Variants in OTC observed in about 807,000 individuals in gnomAD.
OTC encodes the protein ornithine transcarbamylase, also known as ornithine transcarbamylase, mitochondrial.
In OTC, 3 loss-of-function variants were observed where a neutral mutation model predicts 30.3. That is an observed-to-expected ratio of 0.10 (90% confidence interval 0.05 to 0.26). The LOEUF (loss-of-function observed/expected upper bound fraction) is 0.26, where lower values mean the gene tolerates loss of function less well. Ranked by LOEUF, OTC falls within the 10% of genes least tolerant of loss-of-function variation. The pLI is 1.00. For synonymous variants in OTC, 111 were observed against 99.7 expected, an observed-to-expected ratio of 1.11 and a Z score of -0.67; for missense variants, 194 against 260.3, an observed-to-expected ratio of 0.75 and a Z score of 1.75.
chrX:38,378,219 A>C (rs934782224), intron 3 of OTC, among the ~76,000 whole-genome samples: 3 of 96,707 alleles, frequency 3.1e-5, no homozygotes, highest in African/African-American at 1.2e-4. Context: ...TATGTTTTCT[A>C]TGGTTCACCT....
In OTC at chrX:38,357,205, A is replaced by C. The variant is rs559705530; in HGVS notation, c.77+4432A>C. On this transcript the variant is annotated intron_variant, in intron 1 of 9. Transcript: ENST00000039007. Reference sequence around the variant, plus strand: ...TTCCCAAGGCCATTGTTTATTCTTAAATCTGGGCTGAACTAGGACTACAAT... The same window carrying C: ...TTCCCAAGGCCATTGTTTATTCTTACATCTGGGCTGAACTAGGACTACAAT... Among the ~76,000 whole-genome samples the C allele has an allele frequency of 2.7e-5, 3 of 112,167 alleles. No homozygotes were observed. In the South Asian group the frequency reaches 1.1e-3, roughly 41 times the overall value.
At chrX:38,419,281 C>T (rs1244069082) in intron 9 of OTC, among the ~76,000 whole-genome samples, 3 of 111,803 alleles carry the variant, frequency 2.7e-5, no homozygotes. Flanking sequence ...ATGCTGCCAG[C>T]TTTCTTCCTT....
At chrX:38,397,707 T>A (rs2068464417) in intron 4 of OTC, among the ~76,000 whole-genome samples, 1 of 111,864 alleles carries the variant, frequency 8.9e-6, no homozygotes, top group Non-Finnish European at 1.9e-5. Context: ...AGTTTCTTCC[T>A]CTACATTGAT....
intron 4 of OTC, among the ~76,000 whole-genome samples, chrX:38,399,793 A>T (rs1440105801): frequency 1.8e-5 from 2 of 111,372 alleles, no homozygotes; most frequent in Non-Finnish European, 1.9e-5. Flanking sequence ...TGTGCAGCAA[A>T]ATTTGAAAAC....
chrX:38,416,482 ACC>A (rs1176455701), intron 9 of OTC, among the ~76,000 whole-genome samples: 1 of 111,702 alleles, frequency 9.0e-6, no homozygotes, highest in African/African-American at 3.3e-5. Flanking sequence ...ACCTAAAGGG[ACC>A]CTGAAAAAAA....
At chrX:38,379,924 G>A (rs186119441) in intron 3 of OTC, among the ~76,000 whole-genome samples, 2,497 of 112,067 alleles carry the variant, frequency 0.022, 78 homozygotes, top group African/African-American at 0.077. Context: ...AAACAGAAAA[G>A]TAAAAAGATT....
intron 1 of OTC, among the ~76,000 whole-genome samples, chrX:38,359,292 T>G (rs1311061294): frequency 2.7e-5 from 3 of 111,664 alleles, no homozygotes; most frequent in African/African-American, 9.8e-5. Context: ...ACCAGAGTGG[T>G]GGGGTTCTAG....
intron 1 of OTC, among the ~76,000 whole-genome samples, chrX:38,364,483 C>T (rs1162204658): frequency 1.8e-5 from 2 of 111,962 alleles, no homozygotes; most frequent in African/African-American, 6.5e-5. Flanking sequence ...AATATGTCAT[C>T]AATGTCTTAG....
At chrX:38,340,132 G>T in the OTC span, among the ~76,000 whole-genome samples, 4 of 111,867 alleles carry the variant, frequency 3.6e-5, no homozygotes, top group African/African-American at 1.3e-4. Context: ...TTTCAAAATT[G>T]TGAAACACTA....
chrX:38,408,802 T>C lies in OTC; in HGVS notation c.717+7T>C. The stretch of plus-strand genomic sequence containing the variant: ...AGAGCAGTATGCCAAAGAGGTATGC[T>C]CTTTACATGTAAAGCTATTATTGCC... On this transcript the variant is annotated splice_region_variant and intron_variant, in intron 7 of 9. Coordinates refer to ENST00000039007, the MANE Select transcript of OTC (RefSeq NM_000531.6). 8.3e-7 allele frequency: 1 copy of C among 1,205,717 alleles called. No individual in the cohort carries two copies. Among genetic ancestry groups the C allele is most frequent in the African/African-American group, 1.7e-5 (1 of 57,754 alleles).
chrX:38,379,680 G>GGTGGA (rs1183836774), intron 3 of OTC, among the ~76,000 whole-genome samples: 3 of 110,146 alleles, frequency 2.7e-5, no homozygotes, highest in African/African-American at 1.0e-4. Flanking sequence ...TGTCACCCAG[G>GGTGGA]GTGGAGTGCA....
At chrX:38,365,363 C>A (rs1409442959) in intron 1 of OTC, among the ~76,000 whole-genome samples, 3 of 112,769 alleles carry the variant, frequency 2.7e-5, no homozygotes, top group African/African-American at 6.4e-5. Context: ...TTATTGTCAT[C>A]ACAATATAAC....
At position 38,377,775 on chromosome X, in the gene OTC, TCC is replaced by T. The variant is rs2068356007; in HGVS notation, c.299-3564_299-3563del. On this transcript the variant is annotated intron_variant, in intron 3 of 9. Transcript: ENST00000039007. ...GACAAAAGTCAAAGTTGTTGCCTTC[TCC>T]CCAGCTTCCTTCTGCAGCCTCACCT... Among the ~76,000 whole-genome samples the T allele has an allele frequency of 2.7e-5, 3 of 111,869 alleles. No individual in the cohort carries two copies. The Admixed American group carries it at 2.8e-4, about 11-fold the overall frequency.
chrX:38,367,513 A>G (rs2068303008), intron 2 of OTC, 84 bp downstream of exon 2: 1 of 829,916 alleles, frequency 1.2e-6, no homozygotes, highest in East Asian at 3.2e-5. Flanking sequence ...AGGGAAAAAA[A>G]TACATTAAAA....
At chrX:38,340,074 G>C in the OTC span, among the ~76,000 whole-genome samples, 23 of 112,215 alleles carry the variant, frequency 2.0e-4, no homozygotes, top group East Asian at 6.1e-3. Flanking sequence ...GCAGTGTTGG[G>C]ATGAAAAAGA....
intron 1 of OTC, among the ~76,000 whole-genome samples, chrX:38,355,474 T>TG (rs1433429620): frequency 8.9e-6 from 1 of 112,541 alleles, no homozygotes; most frequent in Non-Finnish European, 1.9e-5. Flanking sequence ...AATAGAAATT[T>TG]CTTCAGAGAA....
intron 5 of OTC, 54 bp downstream of exon 5, chrX:38,401,482 G>A: frequency 1.0e-6 from 1 of 976,106 alleles, no homozygotes; most frequent in South Asian, 1.9e-5. Context: ...TTCCTGACTT[G>A]CTTTAAGTGA....
At chrX:38,329,691 C>T in the OTC span, among the ~76,000 whole-genome samples, 1 of 111,709 alleles carries the variant, frequency 9.0e-6, no homozygotes, top group South Asian at 3.8e-4. Context: ...TCACTTTAGC[C>T]TCTGATTGGT....
At chrX:38,331,592 A>AT in the OTC span, among the ~76,000 whole-genome samples, 9 of 98,742 alleles carry the variant, frequency 9.1e-5, no homozygotes, top group Non-Finnish European at 1.8e-4. Flanking sequence ...CCTATATACT[A>AT]TTTTTTTTGA....
Sources: allele counts gnomAD v4.1 joint callset (sites outside exome capture counted in the v4.1 genomes callset), GRCh38; gene constraint gnomAD v4.1.1; transcripts MANE v1.5; gene names NCBI Gene and HGNC (gene_info 2026-07-23, HGNC 2026-07-21).